Variants in CA10 observed in about 807,000 individuals in gnomAD.
CA10 encodes the protein carbonic anhydrase-related protein 10.
Under a neutral mutation model 44.2 loss-of-function variants are expected in CA10, and 14 were observed. The ratio of observed to expected loss-of-function variants is 0.32; its 90% CI spans 0.21 to 0.50. The LOEUF (loss-of-function observed/expected upper bound fraction) is 0.50, where lower values mean the gene tolerates loss of function less well. CA10 is among the 20% of genes least tolerant of loss of function. The pLI is 0.99. For missense variants in CA10, 350 were observed against 409.7 expected (o/e 0.85, Z 1.26); for synonymous variants, 159 against 141.6 (o/e 1.12, Z -0.87).
rs529064501 is a variant in CA10, at chr17:51,974,377, C to T, written c.137-43245G>A. Among the ~76,000 whole-genome samples, 9 of 117,806 alleles carry T rather than the reference C, an allele frequency of 7.6e-5. No individual in the cohort carries two copies. The South Asian group carries it at 1.5e-3, about 20-fold the overall frequency. The allele number at this position is 117,806 out of a possible 152,430, so 77.3% of individuals were successfully genotyped here. A position where few individuals can be genotyped will look rare whatever the true frequency, so the allele number is the denominator to read the frequency against. On this transcript the variant is annotated intron_variant, in intron 2 of 8. Transcript: ENST00000451037. ...CCAGCCTGGCAACAGAGTGAGACTC[C>T]ATCTCATTTAAAAAAAAAAAACAAA...
intron 3 of CA10, among the ~76,000 whole-genome samples, chr17:51,808,461 A>G (rs1478405712): frequency 6.6e-6 from 1 of 152,148 alleles, no homozygotes; most frequent in Non-Finnish European, 1.5e-5. Flanking sequence ...CAAAAGTTCT[A>G]CAGGCAATTT....
At chr17:52,056,863 C>G (rs756888796) in intron 2 of CA10, among the ~76,000 whole-genome samples, 19 of 152,022 alleles carry the variant, frequency 1.2e-4, no homozygotes, top group Non-Finnish European at 2.6e-4. Context: ...AATAGTCACA[C>G]AGAATGATAT....
chr17:51,961,351 T>G (rs968630828), intron 2 of CA10, among the ~76,000 whole-genome samples: 1 of 151,962 alleles, frequency 6.6e-6, no homozygotes, highest in Non-Finnish European at 1.5e-5. Context: ...TACTGAATTA[T>G]AAGTGAAAAA....
At chr17:51,926,647 C>A (rs1013504638) in intron 3 of CA10, among the ~76,000 whole-genome samples, 1 of 152,140 alleles carries the variant, frequency 6.6e-6, no homozygotes, top group Non-Finnish European at 1.5e-5. Flanking sequence ...GGCTCATGGC[C>A]CTGTGTCACT....
At chr17:51,636,095 C>T (rs557326620) in intron 6 of CA10, 86 bp from the exon 7 acceptor site, 1 of 649,182 alleles carries the variant, frequency 1.5e-6, no homozygotes. Flanking sequence ...CATACATATA[C>T]ATATACATAT....
intron 3 of CA10, among the ~76,000 whole-genome samples, chr17:51,925,432 A>G (rs990893548): frequency 1.2e-4 from 19 of 152,138 alleles, no homozygotes; most frequent in Non-Finnish European, 1.8e-4. Context: ...AATAACAAAA[A>G]AAAAAAAACA....
intron 2 of CA10, among the ~76,000 whole-genome samples, chr17:52,048,378 C>T (rs1986971131): frequency 6.6e-6 from 1 of 151,988 alleles, no homozygotes; most frequent in Non-Finnish European, 1.5e-5. Context: ...TACATAAATA[C>T]TTTAAGCACC....
At chr17:51,657,473 G>T (rs552082577) in intron 4 of CA10, among the ~76,000 whole-genome samples, 1 of 152,194 alleles carries the variant, frequency 6.6e-6, no homozygotes, top group South Asian at 2.1e-4. Context: ...CATGGGTCCA[G>T]GTGGGTCTGG....
chr17:52,122,866 G>A (rs986947086), intron 1 of CA10, among the ~76,000 whole-genome samples: 4 of 152,136 alleles, frequency 2.6e-5, no homozygotes, highest in African/African-American at 9.7e-5. Context: ...TCACAAACAA[G>A]GTCCTTTTAG....
At chr17:51,968,327 A>G (rs1984156078) in intron 2 of CA10, among the ~76,000 whole-genome samples, 1 of 151,914 alleles carries the variant, frequency 6.6e-6, no homozygotes, top group Non-Finnish European at 1.5e-5. Context: ...TGGTGAGTGG[A>G]TAAAGAAACA....
At chr17:51,640,311 A>C (rs908413743) in intron 6 of CA10, among the ~76,000 whole-genome samples, 3 of 152,120 alleles carry the variant, frequency 2.0e-5, no homozygotes, top group Non-Finnish European at 4.4e-5. Flanking sequence ...AGATGAGGGG[A>C]AGCATCTCTG....
At chr17:51,691,053 A>T (rs1915176816) in intron 4 of CA10, among the ~76,000 whole-genome samples, 1 of 152,184 alleles carries the variant, frequency 6.6e-6, no homozygotes, top group Non-Finnish European at 1.5e-5. Flanking sequence ...TGCAGATATC[A>T]TTTCAATATA....
chr17:51,915,407 C>T lies in CA10; in HGVS notation c.279+15583G>A, dbSNP rs575336381. ...TTCCCTTTGGTTAATAGATTGATTCCGATCTATTAAAAGTCAAATTAAAGT... is the reference window on the plus strand; with the variant it reads ...TTCCCTTTGGTTAATAGATTGATTCTGATCTATTAAAAGTCAAATTAAAGT... On this transcript the variant is annotated intron_variant, in intron 3 of 8. Transcript: ENST00000451037. Among the ~76,000 whole-genome samples the T allele has an allele frequency of 1.5e-4, 23 of 152,168 alleles. No homozygotes were observed. In the South Asian group the frequency reaches 3.3e-3, roughly 22 times the overall value.
intron 3 of CA10, among the ~76,000 whole-genome samples, chr17:51,772,071 C>A (rs1246763403): frequency 6.6e-6 from 1 of 152,214 alleles, no homozygotes; most frequent in Non-Finnish European, 1.5e-5. Flanking sequence ...TCTCCTCCTA[C>A]TTACTTTCCT....
intron 3 of CA10, among the ~76,000 whole-genome samples, chr17:51,927,120 T>C (rs1269603986): frequency 3.9e-5 from 6 of 152,152 alleles, no homozygotes; most frequent in Admixed American, 2.0e-4. Context: ...ATCAACTACC[T>C]TTTATACTTA....
intron 2 of CA10, among the ~76,000 whole-genome samples, chr17:52,067,300 C>T (rs748144333): frequency 2.6e-5 from 4 of 152,210 alleles, no homozygotes; most frequent in African/African-American, 4.8e-5. Flanking sequence ...CATGCTGTTG[C>T]TTCAAAGGGT....
chr17:51,752,582 T>C (rs1017034388), intron 3 of CA10, among the ~76,000 whole-genome samples: 4 of 151,968 alleles, frequency 2.6e-5, no homozygotes, highest in Non-Finnish European at 4.4e-5. Flanking sequence ...CCAAGACTAA[T>C]GATCTCGATG....
intron 2 of CA10, among the ~76,000 whole-genome samples, chr17:51,963,023 C>G (rs1204077535): frequency 6.6e-6 from 1 of 151,988 alleles, no homozygotes; most frequent in Non-Finnish European, 1.5e-5. Flanking sequence ...CAAATAAACT[C>G]CTAAATAAAT....
intron 3 of CA10, among the ~76,000 whole-genome samples, chr17:51,876,815 T>A (rs1275689055): frequency 1.3e-5 from 2 of 152,204 alleles, no homozygotes; most frequent in Non-Finnish European, 2.9e-5. Context: ...TTTCAGGGCA[T>A]CTGTACCATT....
Sources: allele counts gnomAD v4.1 joint callset (sites outside exome capture counted in the v4.1 genomes callset), GRCh38; gene constraint gnomAD v4.1.1; transcripts MANE v1.5; gene names NCBI Gene and HGNC (gene_info 2026-07-23, HGNC 2026-07-21).